Variants in ATRNL1 observed in about 807,000 individuals in gnomAD.
ATRNL1 encodes the protein attractin like 1, also known as attractin-like protein 1.
A neutral mutation model predicts 182.7 loss-of-function variants in ATRNL1; 95 were observed. The observed-to-expected ratio is 0.52, with a 90% CI of 0.44 to 0.62. The LOEUF is 0.62. Among genes scored for constraint, ATRNL1 ranks in the 20% least tolerant of loss-of-function variants. The pLI is 0.00. For missense variants in ATRNL1, 1,471 were observed against 1,679.5 expected (o/e 0.88, Z 2.17); for synonymous variants, 576 against 568.3 (o/e 1.01, Z -0.19).
intron 26 of ATRNL1, among the ~76,000 whole-genome samples, chr10:115,671,293 C>T (rs1555041317): frequency 6.6e-6 from 1 of 152,010 alleles, no homozygotes; most frequent in Non-Finnish European, 1.5e-5. Context: ...AGTTGTATCT[C>T]CTTTTCATCC....
In ATRNL1 at chr10:115,715,576, G is replaced by C. The variant is rs541745888; in HGVS notation, c.3796-11672G>C. ...AAGGGCATTGACCTGTTCAGGGGAT[G>C]GAATCGGGGTCAACATGAAAGAAAA... On this transcript the variant is annotated intron_variant, in intron 26 of 28. Transcript: ENST00000355044. 5.3e-5 allele frequency among the ~76,000 whole-genome samples: 8 copies of C among 152,288 alleles called. No individual in the cohort carries two copies. The South Asian group carries it at 1.7e-3, about 32-fold the overall frequency.
chr10:115,708,720 T>C (rs1946973459), intron 26 of ATRNL1, among the ~76,000 whole-genome samples: 1 of 151,730 alleles, frequency 6.6e-6, no homozygotes, highest in East Asian at 1.9e-4. Context: ...AATGTTATTG[T>C]AAGTTCAAGC....
chr10:115,621,276 TAGAGAGAGAGAG>T (rs1157745862), intron 26 of ATRNL1, among the ~76,000 whole-genome samples: 1 of 47,594 alleles, frequency 2.1e-5, no homozygotes, highest in African/African-American at 7.4e-5. Context: ...TATATATATA[TAGAGAGAGAGAG>T]AGAGAGAGAG....
intron 9 of ATRNL1, among the ~76,000 whole-genome samples, chr10:115,238,938 G>A (rs11816970): frequency 0.016 from 2,364 of 152,190 alleles, 51 homozygotes; most frequent in African/African-American, 0.053. Flanking sequence ...TATCATGACT[G>A]AATGTTGGAT....
At position 115,129,409 on chromosome 10, in the gene ATRNL1, T is replaced by C. The variant is rs782793074; in HGVS notation, c.703T>C (p.Cys235Arg). The C allele has an allele frequency of 1.9e-6, 3 of 1,614,050 alleles. No individual in the cohort carries two copies. The highest frequency in any genetic ancestry group is 2.5e-6 in the Non-Finnish European group (3 of 1,179,906). ...VSVPSQVYCE[C>R]DKYWKGEACD... ...TGTTCCAAGTCAAGTATATTGTGAA[T>C]GTGATAAATACTGGAAGGGTGAAGC... is the stretch of plus-strand genomic sequence containing the variant. The change falls in exon 5 of 29, where the codon TGT becomes CGT. Residue 235 changes from cysteine (C) to arginine (R), a missense_variant. Physicochemically the swap from Cys to Arg is radical, Grantham distance 180. Transcript: ENST00000355044.
chr10:115,395,281 C>T (rs1554955266), intron 20 of ATRNL1, among the ~76,000 whole-genome samples: 1 of 151,736 alleles, frequency 6.6e-6, no homozygotes, highest in African/African-American at 2.4e-5. Flanking sequence ...GATTCCATGT[C>T]CTTGCTATTC....
rs1856507806 is a variant in ATRNL1 at position 115,356,453 on chromosome 10, CTGTTTTCATTCTTTT to C, written c.3175+22044_3175+22058del. Among the ~76,000 whole-genome samples the C allele has an allele frequency of 2.0e-5, 3 of 151,998 alleles. No homozygotes were observed. The South Asian group carries it at 6.2e-4, about 32-fold the overall frequency. ...TCCAAAGAGAGGCCATCCTTTTGAG[CTGTTTTCATTCTTTT>C]TGTTTTCATAAAAGGAATTTCAAAG... On this transcript the variant is annotated intron_variant, in intron 19 of 28. Coordinates refer to ENST00000355044, the MANE Select transcript of ATRNL1 (RefSeq NM_207303.4).
intron 9 of ATRNL1, among the ~76,000 whole-genome samples, chr10:115,230,876 A>C (rs1849899040): frequency 2.9e-5 from 1 of 34,028 alleles, no homozygotes; most frequent in South Asian, 1.6e-3. Context: ...TGGATGAGAG[A>C]GAGAGAGAGA....
intron 19 of ATRNL1, among the ~76,000 whole-genome samples, chr10:115,384,834 C>G (rs1242783710): frequency 6.6e-6 from 1 of 151,554 alleles, no homozygotes; most frequent in Non-Finnish European, 1.5e-5. Context: ...ATTTCTTTCA[C>G]TCAGCATTTT....
In ATRNL1 at chr10:115,473,228, T is replaced by C. The variant is rs1438240821; in HGVS notation, c.3654+3899T>C. ...GTTTTATGATACTTATAATGTGCTG[T>C]TGAATCAAATGTGGTTGGCTAGCAT... On this transcript the variant is annotated intron_variant, in intron 24 of 28. Coordinates refer to ENST00000355044, the MANE Select transcript of ATRNL1 (RefSeq NM_207303.4). Among the ~76,000 whole-genome samples, 6 of 151,448 alleles carry C rather than the reference T, an allele frequency of 4.0e-5. No individual in the cohort carries two copies. In the East Asian group the frequency reaches 1.2e-3, roughly 29 times the overall value.
intron 26 of ATRNL1, among the ~76,000 whole-genome samples, chr10:115,587,761 A>G (rs1483476665): frequency 6.6e-6 from 1 of 152,130 alleles, no homozygotes; most frequent in Admixed American, 6.5e-5. Flanking sequence ...AGCTGTTCCT[A>G]TTCGGCCATC....
intron 19 of ATRNL1, among the ~76,000 whole-genome samples, chr10:115,374,883 G>C (rs1237288195): frequency 2.6e-5 from 4 of 151,758 alleles, no homozygotes; most frequent in Non-Finnish European, 5.9e-5. Context: ...TTGTTTTGTG[G>C]TCTAGCATAT....
chr10:115,243,163 G>C (rs1850492404), intron 10 of ATRNL1, among the ~76,000 whole-genome samples: 1 of 152,044 alleles, frequency 6.6e-6, no homozygotes, highest in South Asian at 2.1e-4. Flanking sequence ...TTGAACTTTT[G>C]CAAAAGGTTC....
intron 28 of ATRNL1, among the ~76,000 whole-genome samples, chr10:115,941,742 A>T (rs1209726640): frequency 6.6e-6 from 1 of 152,232 alleles, no homozygotes; most frequent in East Asian, 1.9e-4. Context: ...GATCAGTGGA[A>T]ACTTACAGTC....
At chr10:115,412,341 C>G (rs191410068) in intron 20 of ATRNL1, among the ~76,000 whole-genome samples, 179 of 152,240 alleles carry the variant, frequency 1.2e-3, no homozygotes, top group Non-Finnish European at 1.8e-3. Flanking sequence ...TGATTAAAAC[C>G]AGTCCCAGCT....
At chr10:115,338,204 G>A (rs544851438) in intron 19 of ATRNL1, among the ~76,000 whole-genome samples, 4 of 152,122 alleles carry the variant, frequency 2.6e-5, no homozygotes, top group Admixed American at 2.6e-4. Flanking sequence ...ACGTAGGAGC[G>A]CAGGTATCTC....
chr10:115,094,087 TCCCGTCGCGGCCTTCCCCGCC>T (rs782617337), intron 1 of ATRNL1, 44 bp downstream of exon 1: 6 of 1,332,306 alleles, frequency 4.5e-6, no homozygotes, highest in South Asian at 2.0e-5. Context: ...CCTGCCTCGC[TCCCGTCGCGGCCTTCCCCGCC>T]CCCCTCGCGG....
chr10:115,940,070 G>A (rs1555123818), intron 28 of ATRNL1, among the ~76,000 whole-genome samples: 1 of 152,068 alleles, frequency 6.6e-6, no homozygotes, highest in African/African-American at 2.4e-5. Context: ...CTATAGCAAG[G>A]GAGTCAGCCA....
At chr10:115,903,166 G>T (rs1589669362) in intron 28 of ATRNL1, among the ~76,000 whole-genome samples, 1 of 152,298 alleles carries the variant, frequency 6.6e-6, no homozygotes, top group Non-Finnish European at 1.5e-5. Context: ...ATTATTTAAA[G>T]TGTGACTAGC....
Sources: gnomAD v4.1 joint callset for allele counts (sites outside exome capture counted in the v4.1 genomes callset) on GRCh38, gnomAD v4.1.1 for gene constraint, MANE v1.5 for transcripts, NCBI Gene and HGNC (gene_info 2026-07-23, HGNC 2026-07-21) for gene names.